Variants in INTU observed in about 807,000 individuals in gnomAD.
INTU encodes inturned planar cell polarity protein.
In INTU, 68 loss-of-function variants were observed where a neutral mutation model predicts 100.5. The ratio of observed to expected loss-of-function variants is 0.68; its 90% CI spans 0.56 to 0.83. The LOEUF (loss-of-function observed/expected upper bound fraction) is 0.83, where lower values mean the gene tolerates loss of function less well. Ranked by LOEUF, INTU falls within the 40% of genes least tolerant of loss-of-function variation. INTU has a pLI of 0.00. For synonymous variants in INTU, 357 were observed against 395.7 expected, an observed-to-expected ratio of 0.90 and a Z score of 1.16; for missense variants, 1,071 against 1,114.7, an observed-to-expected ratio of 0.96 and a Z score of 0.56.
At chr4:127,697,143 C>T (rs1267100217) in intron 8 of INTU, among the ~76,000 whole-genome samples, 1 of 152,184 alleles carries the variant, frequency 6.6e-6, no homozygotes, top group Non-Finnish European at 1.5e-5. Flanking sequence ...AGATATTTCA[C>T]ATATCATAGA....
At chr4:127,633,473 G>A (rs1326850520) in intron 1 of INTU, among the ~76,000 whole-genome samples, 1 of 152,092 alleles carries the variant, frequency 6.6e-6, no homozygotes, top group Non-Finnish European at 1.5e-5. Flanking sequence ...GGCCATAGGA[G>A]GATATATCTG....
At chr4:127,712,353 A>T (rs975974961) in intron 14 of INTU, among the ~76,000 whole-genome samples, 2 of 152,108 alleles carry the variant, frequency 1.3e-5, no homozygotes, top group African/African-American at 4.8e-5. Context: ...TTGGGTTCTT[A>T]TGCTCCTATT....
chr4:127,677,845 A>G (rs1578586058), intron 6 of INTU, among the ~76,000 whole-genome samples: 1 of 152,230 alleles, frequency 6.6e-6, no homozygotes, highest in Non-Finnish European at 1.5e-5. Flanking sequence ...AGAAGTTGAA[A>G]ACTTTGAAAA....
At chr4:127,683,534 G>A (rs576283431) in intron 6 of INTU, among the ~76,000 whole-genome samples, 5 of 152,158 alleles carry the variant, frequency 3.3e-5, no homozygotes, top group South Asian at 2.1e-4. Flanking sequence ...TTTTCTCCTC[G>A]TCCATCTCAG....
intron 6 of INTU, among the ~76,000 whole-genome samples, chr4:127,678,460 G>A (rs938632724): frequency 1.2e-4 from 18 of 152,176 alleles, no homozygotes; most frequent in Non-Finnish European, 2.5e-4. Context: ...CATTCTTAAA[G>A]AGAAGAATTT....
intron 6 of INTU, chr4:127,684,047 G>T (rs1460309965): frequency 1.2e-5 from 2 of 162,616 alleles, no homozygotes; most frequent in Non-Finnish European, 2.7e-5. Flanking sequence ...TCTTTTTATG[G>T]GCCCAGGTCT....
intron 6 of INTU, among the ~76,000 whole-genome samples, chr4:127,677,707 A>G (rs1729290894): frequency 6.6e-6 from 1 of 152,192 alleles, no homozygotes; most frequent in Admixed American, 6.5e-5. Context: ...TCCTCCTCCA[A>G]AGGAACGCAG....
intron 10 of INTU, among the ~76,000 whole-genome samples, chr4:127,704,814 A>G (rs933438925): frequency 4.7e-5 from 7 of 150,122 alleles, no homozygotes; most frequent in African/African-American, 1.7e-4. Context: ...TCAGCTGGGC[A>G]TGGTGGCTCA....
At position 127,706,694 on chromosome 4, in the gene INTU, G is replaced by A. The variant is rs758878833; in HGVS notation, c.1996G>A (p.Glu666Lys). ...CADWFLTGSR[E>K]KTDSLTTSPI... ...TGACTGGTTCCTTACTGGATCACGT[G>A]AAAAAACAGATAGCTTGACCACTTC... Residue 666 changes from glutamate to lysine, a missense_variant, in exon 12 of 16, where the codon GAA (glutamate) becomes AAA (lysine). Coordinates refer to ENST00000335251, the MANE Select transcript of INTU (RefSeq NM_015693.4). 8 of 1,614,076 alleles carry A rather than the reference G, an allele frequency of 5.0e-6. No individual in the cohort carries two copies. The East Asian group carries it at 1.8e-4, about 36-fold the overall frequency.
chr4:127,633,213 T>A (rs1448407983), intron 1 of INTU, 33 bp downstream of exon 1: 12 of 1,601,240 alleles, frequency 7.5e-6, no homozygotes, highest in Admixed American at 5.0e-5. Context: ...ATTAATCCCA[T>A]CCCATCAATC....
In INTU at chr4:127,656,729, C is replaced by A. The variant is rs895367636; in HGVS notation, c.768+8C>A. The A allele has an allele frequency of 6.5e-6, 10 of 1,527,268 alleles. No homozygotes were observed. In the African/African-American group the frequency reaches 9.6e-5, roughly 15 times the overall value. 94.6% of individuals were successfully genotyped at this position (1,527,268 alleles called of 1,614,324 possible). A position where few individuals can be genotyped will look rare whatever the true frequency, so the allele number is the denominator to read the frequency against. On this transcript the variant is annotated splice_region_variant and intron_variant, in intron 3 of 15. Transcript: ENST00000335251. ...ATTCCTGGACCTATGCAGGTATGGACATTCTTTTTCTATATTTTATGATGT... is the reference window on the plus strand; with the variant it reads ...ATTCCTGGACCTATGCAGGTATGGAAATTCTTTTTCTATATTTTATGATGT...
chr4:127,678,178 C>A (rs1729325762), intron 6 of INTU, among the ~76,000 whole-genome samples: 1 of 152,136 alleles, frequency 6.6e-6, no homozygotes, highest in African/African-American at 2.4e-5. Context: ...AAACACTCTG[C>A]AGAATATTAT....
chr4:127,650,256 G>A (rs1727783278), intron 2 of INTU, among the ~76,000 whole-genome samples: 1 of 151,784 alleles, frequency 6.6e-6, no homozygotes, highest in Admixed American at 6.6e-5. Context: ...AAGTTTTAGG[G>A]TACATGTGCA....
At chr4:127,687,601 C>A in intron 7 of INTU, 77 bp from the exon 8 acceptor site, 1 of 1,113,218 alleles carries the variant, frequency 9.0e-7, no homozygotes, top group Non-Finnish European at 1.3e-6. Flanking sequence ...TGGGAAAGAT[C>A]CAGTTCCCTT....
chr4:127,676,429 T>C (rs1729185164), intron 6 of INTU, among the ~76,000 whole-genome samples: 1 of 151,540 alleles, frequency 6.6e-6, no homozygotes, highest in African/African-American at 2.4e-5. Flanking sequence ...CTTCAGCAAA[T>C]ACAAAAATTA....
intron 1 of INTU, among the ~76,000 whole-genome samples, chr4:127,639,517 GT>G (rs1022561799): frequency 2.6e-5 from 4 of 151,976 alleles, no homozygotes; most frequent in African/African-American, 9.7e-5. Flanking sequence ...TTTTGTTGTT[GT>G]TGTTGTTAAC....
At position 127,710,904 on chromosome 4, in the gene INTU, C is replaced by CT; in HGVS notation, c.2370-4dup. The stretch of plus-strand genomic sequence containing the variant: ...TTTTTTCTTCTCTTTGATTTTTTTT[C>CT]TTTTTAAGACTGACATCTGGTCCTG... On this transcript the variant is annotated splice_polypyrimidine_tract_variant and intron_variant, in intron 13 of 15. Coordinates refer to ENST00000335251, the MANE Select transcript of INTU (RefSeq NM_015693.4). 2 of 1,393,382 alleles carry CT rather than the reference C, an allele frequency of 1.4e-6. No homozygotes were observed. The highest frequency in any genetic ancestry group is 1.9e-6 in the Non-Finnish European group (2 of 1,060,088). The allele number at this position is 1,393,382 out of a possible 1,614,324, so 86.3% of individuals were successfully genotyped here. A position where few individuals can be genotyped will look rare whatever the true frequency, so the allele number is the denominator to read the frequency against.
At position 127,680,179 on chromosome 4, in the gene INTU, G is replaced by A. The variant is rs1231723771; in HGVS notation, c.1182-4230G>A. On this transcript the variant is annotated intron_variant, in intron 6 of 15. Transcript: ENST00000335251. Reference sequence around the variant, plus strand: ...CAGCTGAATTCTACCAGAGGTACAAGGAGAAACTGGTACCATTCCTTCTGA... The same window carrying A: ...CAGCTGAATTCTACCAGAGGTACAAAGAGAAACTGGTACCATTCCTTCTGA... Among the ~76,000 whole-genome samples the A allele has an allele frequency of 2.8e-4, 43 of 152,164 alleles. 2 individuals are homozygous for A. The highest frequency in any genetic ancestry group is 1.0e-4 in the Non-Finnish European group (7 of 67,992).
At chr4:127,713,265 C>T (rs988965754) in intron 14 of INTU, among the ~76,000 whole-genome samples, 2 of 152,080 alleles carry the variant, frequency 1.3e-5, no homozygotes, top group African/African-American at 4.8e-5. Context: ...ATGATTATGG[C>T]TTCTGGACTG....
Sources: allele counts gnomAD v4.1 joint callset (sites outside exome capture counted in the v4.1 genomes callset), GRCh38; gene constraint gnomAD v4.1.1; transcripts MANE v1.5; gene names NCBI Gene and HGNC (gene_info 2026-07-23, HGNC 2026-07-21).